Variants in SLC6A2 observed in about 807,000 individuals in gnomAD.
The protein encoded by SLC6A2 is sodium-dependent noradrenaline transporter.
A neutral mutation model predicts 71.7 loss-of-function variants in SLC6A2; 26 were observed. The observed-to-expected ratio is 0.36, with a 90% CI of 0.27 to 0.50. SLC6A2 has a LOEUF of 0.50. Ranked by LOEUF, SLC6A2 falls within the 20% of genes least tolerant of loss-of-function variation. The pLI, the probability that SLC6A2 is intolerant of heterozygous loss-of-function variation, is 0.96. For missense variants in SLC6A2, 581 were observed against 803.9 expected, an observed-to-expected ratio of 0.72 and a Z score of 3.35; for synonymous variants, 363 against 337.9, an observed-to-expected ratio of 1.07 and a Z score of -0.82.
chr16:55,705,010 CT>C lies in SLC6A2; in HGVS notation c.*2669del, dbSNP rs1472449366. ...TTTATGTTAAGTCATCTTTGACTTC[CT>C]TTTTGTAGCTTGTTTTTAATAGCAG... On this transcript the variant is annotated 3_prime_UTR_variant, in exon 15 of 15. Coordinates refer to ENST00000568943, the MANE Select transcript of SLC6A2 (RefSeq NM_001172501.3). The C allele has an allele frequency of 8.3e-6, 4 of 484,226 alleles. No individual in the cohort carries two copies. The highest frequency in any genetic ancestry group is 1.5e-5 in the Non-Finnish European group (4 of 274,492). 30.0% of individuals were successfully genotyped at this position (484,226 alleles called of 1,614,324 possible). A position where few individuals can be genotyped will look rare whatever the true frequency, so the allele number is the denominator to read the frequency against.
rs1022602304 is a variant in SLC6A2, at chr16:55,704,963, T to C, written c.*2617T>C. The C allele has an allele frequency of 5.8e-6, 2 of 343,778 alleles. No individual in the cohort carries two copies. Among genetic ancestry groups the C allele is most frequent in the Non-Finnish European group, 1.0e-5 (2 of 191,396 alleles). 21.3% of individuals were successfully genotyped at this position (343,778 alleles called of 1,614,324 possible). A position where few individuals can be genotyped will look rare whatever the true frequency, so the allele number is the denominator to read the frequency against. The stretch of plus-strand genomic sequence containing the variant: ...TTTGGGTTTACCTTTCCACCCACAT[T>C]TAATGGAGAGAGAGTATGGGCTTTA... On this transcript the variant is annotated 3_prime_UTR_variant, in exon 15 of 15. Transcript: ENST00000568943.
At chr16:55,660,377 G>T (rs545550584) in intron 2 of SLC6A2, among the ~76,000 whole-genome samples, 8 of 152,182 alleles carry the variant, frequency 5.3e-5, no homozygotes, top group Non-Finnish European at 1.2e-4. Flanking sequence ...GTGTTAGGGA[G>T]CAGTGCAGCC....
Position 55,704,724 on chromosome 16 carries a change from A to G in SLC6A2, c.*2378A>G, listed in dbSNP as rs1466453264. 2.6e-5 allele frequency: 4 copies of G among 152,984 alleles called. No homozygotes were observed. The highest frequency in any genetic ancestry group is 9.6e-5 in the African/African-American group (4 of 41,470). 9.5% of individuals were successfully genotyped at this position (152,984 alleles called of 1,614,324 possible). On this transcript the variant is annotated 3_prime_UTR_variant, in exon 15 of 15. Coordinates refer to ENST00000568943, the MANE Select transcript of SLC6A2 (RefSeq NM_001172501.3). Reference sequence around the variant, plus strand: ...CTGCCATTTCCTCTTTGCCATCTGCATGTGGCCCCTTCTGCCTCCAGACAT... The same window carrying G: ...CTGCCATTTCCTCTTTGCCATCTGCGTGTGGCCCCTTCTGCCTCCAGACAT...
At position 55,656,904 on chromosome 16, in the gene SLC6A2, C is replaced by A; in HGVS notation, c.210C>A (p.Val70=). 1 of 1,614,054 alleles carries A rather than the reference C, an allele frequency of 6.2e-7. No individual in the cohort carries two copies. Among genetic ancestry groups the A allele is most frequent in the Non-Finnish European group, 8.5e-7 (1 of 1,179,958 alleles). Residue 70 remains valine (V), a synonymous_variant, in exon 2 of 15, where the codon GTC becomes GTA. Transcript: ENST00000568943. The surrounding 1 kb of genome is among the most constrained non-coding windows in gnomAD (Gnocchi z 4.5). Reference sequence around the variant, plus strand: ...AGATCGACTTCCTGCTGTCCGTAGTCGGCTTCGCAGTGGACCTGGCCAACG... The same window carrying A: ...AGATCGACTTCCTGCTGTCCGTAGTAGGCTTCGCAGTGGACCTGGCCAACG... ...GKKIDFLLSV[V]GFAVDLANVW...
intron 2 of SLC6A2, among the ~76,000 whole-genome samples, chr16:55,663,706 C>A (rs1216325720): frequency 6.6e-6 from 1 of 152,132 alleles, no homozygotes; most frequent in Non-Finnish European, 1.5e-5. Context: ...ATACCAATAG[C>A]CCTTGTTGTA....
chr16:55,675,673 C>G (rs1468488191), intron 4 of SLC6A2, among the ~76,000 whole-genome samples: 1 of 152,070 alleles, frequency 6.6e-6, no homozygotes, highest in African/African-American at 2.4e-5. Context: ...TGAAATGTGG[C>G]TAGTGTGACT....
In SLC6A2 at chr16:55,703,111, C is replaced by A. The variant is rs1330052109; in HGVS notation, c.*765C>A. On this transcript the variant is annotated 3_prime_UTR_variant, in exon 15 of 15. Coordinates refer to ENST00000568943, the MANE Select transcript of SLC6A2 (RefSeq NM_001172501.3). ...GGTTCTAGGAGGTACCTGCATCAGA[C>A]AAGCTGGTGGAGGCCACGTGGCAAG... 1 of 985,496 alleles carries A rather than the reference C, an allele frequency of 1.0e-6. No individual in the cohort carries two copies. The highest frequency in any genetic ancestry group is 1.2e-6 in the Non-Finnish European group (1 of 830,086). The allele number at this position is 985,496 out of a possible 1,614,324, so 61.0% of individuals were successfully genotyped here. A position where few individuals can be genotyped will look rare whatever the true frequency, so the allele number is the denominator to read the frequency against.
At chr16:55,659,408 T>A (rs868454831) in intron 2 of SLC6A2, among the ~76,000 whole-genome samples, 1 of 152,170 alleles carries the variant, frequency 6.6e-6, no homozygotes. Flanking sequence ...GTTCTTAGGA[T>A]GCAAAATGGA....
chr16:55,668,371 G>T (rs1483222512), intron 2 of SLC6A2, among the ~76,000 whole-genome samples: 1 of 152,184 alleles, frequency 6.6e-6, no homozygotes, highest in Non-Finnish European at 1.5e-5. Context: ...CTCAGAAGGG[G>T]ACGAGCAAGT....
intron 2 of SLC6A2, among the ~76,000 whole-genome samples, chr16:55,661,043 C>T (rs1439199840): frequency 6.6e-6 from 1 of 152,190 alleles, no homozygotes; most frequent in Admixed American, 6.5e-5. Context: ...TCAGAAATTC[C>T]GGAGCTTTGT....
chr16:55,693,572 GC>G (rs1390275706), intron 6 of SLC6A2, among the ~76,000 whole-genome samples: 1 of 152,202 alleles, frequency 6.6e-6, no homozygotes, highest in Non-Finnish European at 1.5e-5. Flanking sequence ...AGCCCCATTG[GC>G]CCCCAAGGAG....
intron 4 of SLC6A2, among the ~76,000 whole-genome samples, chr16:55,676,763 A>G (rs1330932102): frequency 6.6e-6 from 1 of 152,208 alleles, no homozygotes; most frequent in Admixed American, 6.5e-5. Flanking sequence ...ACTGTGGTAT[A>G]AGATTATTTT....
In SLC6A2 at chr16:55,656,501, G is replaced by C; in HGVS notation, c.-51-143G>C. 1.5e-6 allele frequency: 1 copy of C among 669,688 alleles called. No individual in the cohort carries two copies. Among genetic ancestry groups the C allele is most frequent in the East Asian group, 2.7e-5 (1 of 37,248 alleles). The allele number at this position is 669,688 out of a possible 1,614,324, so 41.5% of individuals were successfully genotyped here. On this transcript the variant is annotated intron_variant, in intron 1 of 14. Transcript: ENST00000568943. The surrounding 1 kb of genome is among the most constrained non-coding windows in gnomAD (Gnocchi z 4.5). ...CAACCTCTGTTTCCAAATTTTTCCA[G>C]CGGACGCGCGCCCTTTTCTGGGAAC...
At position 55,669,659 on chromosome 16, in the gene SLC6A2, G is replaced by C; in HGVS notation, c.369G>C (p.Gly123=). ...CTCTGGGACAGTACAACCGGGAGGGGGCTGCCACCGTTTGGAAAATCTGCC... is the reference window on the plus strand; with the variant it reads ...CTCTGGGACAGTACAACCGGGAGGGCGCTGCCACCGTTTGGAAAATCTGCC... The part of the protein sequence containing the change: ...ELALGQYNRE[G]AATVWKICPF... Residue 123 remains glycine (G), a synonymous_variant, in exon 3 of 15, where the codon GGG becomes GGC. Coordinates refer to ENST00000568943, the MANE Select transcript of SLC6A2 (RefSeq NM_001172501.3). The C allele has an allele frequency of 1.2e-6, 2 of 1,614,106 alleles. No individual in the cohort carries two copies. The highest frequency in any genetic ancestry group is 2.2e-5 in the South Asian group (2 of 91,078).
chr16:55,697,880 C>G lies in SLC6A2; in HGVS notation c.1261-17C>G, dbSNP rs781620567. On this transcript the variant is annotated splice_polypyrimidine_tract_variant and intron_variant, in intron 9 of 14. Transcript: ENST00000568943. ...AGACCCTAATTCCTGCACCCCACCCCTCCTGGTTCCCTCCAGATGGGAGGC... is the reference window on the plus strand; with the variant it reads ...AGACCCTAATTCCTGCACCCCACCCGTCCTGGTTCCCTCCAGATGGGAGGC... The G allele has an allele frequency of 3.7e-6, 6 of 1,613,720 alleles. No homozygotes were observed. The Admixed American group carries it at 5.0e-5, about 13-fold the overall frequency.
In SLC6A2 at chr16:55,705,092, A is replaced by G; in HGVS notation, c.*2746A>G. ...GTATATGACACTTGACGCTTTTGAT[A>G]TTTTTTCAGGTTTTTAAAGAATTAT... On this transcript the variant is annotated 3_prime_UTR_variant, in exon 15 of 15. Transcript: ENST00000568943. 1.2e-6 allele frequency: 1 copy of G among 819,876 alleles called. No individual in the cohort carries two copies. Among genetic ancestry groups the G allele is most frequent in the Non-Finnish European group, 2.0e-6 (1 of 500,830 alleles). 50.8% of individuals were successfully genotyped at this position (819,876 alleles called of 1,614,324 possible).
intron 6 of SLC6A2, among the ~76,000 whole-genome samples, chr16:55,693,282 G>A (rs565776082): frequency 6.6e-6 from 1 of 152,152 alleles, no homozygotes; most frequent in South Asian, 2.1e-4. Flanking sequence ...AGCCACTCAG[G>A]ATGCTTGAAC....
At chr16:55,665,854 AG>A (rs1964735478) in intron 2 of SLC6A2, among the ~76,000 whole-genome samples, 1 of 152,142 alleles carries the variant, frequency 6.6e-6, no homozygotes. Flanking sequence ...GTGGGATGGG[AG>A]GCAGTGTGGT....
At chr16:55,675,777 T>TG (rs1450551493) in intron 4 of SLC6A2, among the ~76,000 whole-genome samples, 3 of 136,912 alleles carry the variant, frequency 2.2e-5, no homozygotes, top group African/African-American at 5.4e-5. Flanking sequence ...CAAAAAAGTG[T>TG]GGAAAAAAAA....
Sources: allele counts gnomAD v4.1 joint callset (sites outside exome capture counted in the v4.1 genomes callset), GRCh38; gene constraint gnomAD v4.1.1; non-coding constraint Gnocchi (gnomAD v3.1); transcripts MANE v1.5; gene names NCBI Gene and HGNC (gene_info 2026-07-23, HGNC 2026-07-21).